Variants in GPC6 observed in about 807,000 individuals in gnomAD.
The protein encoded by GPC6 is glypican-6.
GPC6 carries 14 observed loss-of-function variants against 55.2 expected under a neutral mutation model. The ratio of observed to expected loss-of-function variants is 0.25; its 90% CI spans 0.17 to 0.40. The LOEUF (loss-of-function observed/expected upper bound fraction) is 0.40. GPC6 is among the 10% of genes least tolerant of loss of function. GPC6 has a pLI of 1.00. For synonymous variants in GPC6, 278 were observed against 259.6 expected (o/e 1.07, Z -0.68); for missense variants, 641 against 708.5 (o/e 0.90, Z 1.08).
intron 4 of GPC6, among the ~76,000 whole-genome samples, chr13:94,030,127 G>A (rs1159132384): frequency 6.6e-6 from 1 of 151,492 alleles, no homozygotes. Flanking sequence ...CTCAGCCTCA[G>A]CCTCCCGAGG....
At chr13:93,445,750 G>A (rs1877975304) in intron 1 of GPC6, among the ~76,000 whole-genome samples, 1 of 152,168 alleles carries the variant, frequency 6.6e-6, no homozygotes, top group African/African-American at 2.4e-5. Flanking sequence ...GACACAGTGG[G>A]CTTTAAATAA....
chr13:93,598,766 G>A (rs1431630967), intron 2 of GPC6, among the ~76,000 whole-genome samples: 1 of 152,144 alleles, frequency 6.6e-6, no homozygotes, highest in Non-Finnish European at 1.5e-5. Context: ...CTGGCAGCCA[G>A]CCACCCATTT....
At chr13:93,250,451 T>C (rs182524590) in intron 1 of GPC6, among the ~76,000 whole-genome samples, 1 of 152,296 alleles carries the variant, frequency 6.6e-6, no homozygotes, top group African/African-American at 2.4e-5. Flanking sequence ...CCTTTGGTAT[T>C]CACCCTCACA....
intron 2 of GPC6, among the ~76,000 whole-genome samples, chr13:93,739,228 A>C (rs7988294): frequency 0.96 from 145,916 of 152,140 alleles, 70,022 homozygotes; most frequent in African/African-American, 0.99. Flanking sequence ...TACCTTCCCC[A>C]TCAGACAATA....
intron 2 of GPC6, among the ~76,000 whole-genome samples, chr13:93,583,241 C>A (rs982649371): frequency 6.6e-6 from 1 of 152,202 alleles, no homozygotes; most frequent in Non-Finnish European, 1.5e-5. Flanking sequence ...TACCATCTCT[C>A]AGCATTTAGT....
intron 1 of GPC6, among the ~76,000 whole-genome samples, chr13:93,519,289 A>G (rs1001333903): frequency 2.0e-5 from 3 of 152,084 alleles, no homozygotes; most frequent in African/African-American, 7.2e-5. Flanking sequence ...AATGAACTTT[A>G]AACAAATTAT....
At chr13:94,214,913 G>T (rs1326043594) in intron 4 of GPC6, among the ~76,000 whole-genome samples, 1 of 152,146 alleles carries the variant, frequency 6.6e-6, no homozygotes, top group Non-Finnish European at 1.5e-5. Flanking sequence ...CACAATTTAA[G>T]GTGTGACATT....
chr13:93,393,168 T>C (rs1401908061), intron 1 of GPC6, among the ~76,000 whole-genome samples: 1 of 146,898 alleles, frequency 6.8e-6, no homozygotes, highest in African/African-American at 2.6e-5. Context: ...AGTGAGAGTC[T>C]CTCACTGTCG....
intron 1 of GPC6, among the ~76,000 whole-genome samples, chr13:93,339,604 G>A (rs1029179367): frequency 2.6e-5 from 4 of 152,186 alleles, no homozygotes; most frequent in African/African-American, 7.2e-5. Context: ...TGAATTGGTC[G>A]TAAGGGGTGG....
At chr13:93,702,828 G>A (rs1254559394) in intron 2 of GPC6, among the ~76,000 whole-genome samples, 1 of 151,936 alleles carries the variant, frequency 6.6e-6, no homozygotes, top group East Asian at 1.9e-4. Context: ...TCATAGAATT[G>A]AAGAGAGTTA....
intron 1 of GPC6, among the ~76,000 whole-genome samples, chr13:93,384,262 A>G (rs1267028644): frequency 6.6e-6 from 1 of 152,146 alleles, no homozygotes; most frequent in African/African-American, 2.4e-5. Context: ...AGAGACAAAA[A>G]GGAAGTCAGG....
intron 1 of GPC6, among the ~76,000 whole-genome samples, chr13:93,513,393 C>T (rs1354508535): frequency 6.6e-6 from 1 of 152,162 alleles, no homozygotes; most frequent in African/African-American, 2.4e-5. Flanking sequence ...ATGTGTTCAA[C>T]ATAAACCTAG....
intron 1 of GPC6, among the ~76,000 whole-genome samples, chr13:93,521,874 T>C (rs535891633): frequency 6.6e-6 from 1 of 152,088 alleles, no homozygotes; most frequent in South Asian, 2.1e-4. Context: ...TGCAGTTTAT[T>C]TTATCATATG....
intron 1 of GPC6, chr13:93,450,755 G>A: frequency 1.1e-6 from 1 of 925,760 alleles, no homozygotes; most frequent in Non-Finnish European, 1.3e-6. Context: ...AGGTAAGGAT[G>A]AACCTTTAGG....
At chr13:93,992,037 T>C (rs1450666520) in intron 3 of GPC6, among the ~76,000 whole-genome samples, 2 of 151,716 alleles carry the variant, frequency 1.3e-5, no homozygotes, top group African/African-American at 4.8e-5. Context: ...ATAGACATCT[T>C]TATGGTATAT....
chr13:93,371,601 A>G (rs955590151), intron 1 of GPC6, among the ~76,000 whole-genome samples: 17 of 152,278 alleles, frequency 1.1e-4, no homozygotes, highest in Non-Finnish European at 2.9e-5. Context: ...TGAACAAGAC[A>G]AATACTTCTG....
intron 1 of GPC6, among the ~76,000 whole-genome samples, chr13:93,516,307 C>T (rs1056175275): frequency 2.0e-5 from 3 of 152,130 alleles, no homozygotes; most frequent in African/African-American, 7.2e-5. Flanking sequence ...TATATCTTAA[C>T]ATGGAATGCT....
At chr13:94,367,082 T>C (rs2139187793) in intron 6 of GPC6, among the ~76,000 whole-genome samples, 1 of 152,356 alleles carries the variant, frequency 6.6e-6, no homozygotes, top group Non-Finnish European at 1.5e-5. Context: ...CAAGTCCTCC[T>C]TCATTGATAT....
intron 1 of GPC6, among the ~76,000 whole-genome samples, chr13:93,304,919 T>C (rs190883158): frequency 1.6e-3 from 237 of 152,306 alleles, no homozygotes; most frequent in South Asian, 5.0e-3. Flanking sequence ...TTTGGCATCT[T>C]ACCTTTGTGC....
Sources: gnomAD v4.1 joint callset for allele counts (sites outside exome capture counted in the v4.1 genomes callset) on GRCh38, gnomAD v4.1.1 for gene constraint, MANE v1.5 for transcripts, NCBI Gene and HGNC (gene_info 2026-07-23, HGNC 2026-07-21) for gene names.